The following ABR variants were observed in gnomAD, a reference collection of about 807,000 sequenced individuals.
ABR encodes the protein active breakpoint cluster region-related protein.
A neutral mutation model predicts 107.2 loss-of-function variants in ABR; 35 were observed. The observed-to-expected ratio is 0.33, with a 90% CI of 0.25 to 0.43. ABR has a LOEUF of 0.43. ABR is among the 20% of genes least tolerant of loss of function. The pLI, the probability that ABR is intolerant of heterozygous loss-of-function variation, is 1.00. For missense variants in ABR, 815 were observed against 1,115.2 expected, an observed-to-expected ratio of 0.73 and a Z score of 3.83; for synonymous variants, 498 against 462.0, an observed-to-expected ratio of 1.08 and a Z score of -1.00.
chr17:1,145,022 AAAAT>A (rs1242485370), intron 1 of ABR, among the ~76,000 whole-genome samples: 1 of 152,180 alleles, frequency 6.6e-6, no homozygotes, highest in Non-Finnish European at 1.5e-5. Flanking sequence ...TGTCTCAAAA[AAAAT>A]AAATAAATAA....
chr17:1,132,905 C>A (rs1457550845), intron 1 of ABR, among the ~76,000 whole-genome samples: 1 of 152,144 alleles, frequency 6.6e-6, no homozygotes, highest in African/African-American at 2.4e-5. Context: ...CCAGAGCTGT[C>A]AGGGCATAGG....
At chr17:1,033,189 C>T (rs965976358) in intron 16 of ABR, among the ~76,000 whole-genome samples, 8 of 152,204 alleles carry the variant, frequency 5.3e-5, no homozygotes, top group East Asian at 3.8e-4. Flanking sequence ...GGCCCAGAGA[C>T]GAGCCCTCGG....
rs192171109 is a variant in ABR at position 1,160,384 on chromosome 17, C to T, written c.61+19283G>A. ...CAAAGTTCATGAAATGTCAGCTCTG[C>T]AACTGTACAGTCAGTAGGAATTACA... On this transcript the variant is annotated intron_variant, in intron 1 of 22. Coordinates refer to ENST00000302538, the MANE Select transcript of ABR (RefSeq NM_021962.5). 2.6e-3 allele frequency among the ~76,000 whole-genome samples: 390 copies of T among 152,188 alleles called. 3 individuals carry two copies. Among genetic ancestry groups the T allele is most frequent in the Admixed American group, 5.2e-3 (80 of 15,270 alleles).
rs761222934 is a variant in ABR at position 1,083,509 on chromosome 17, G to A, written c.639+11C>T. The A allele has an allele frequency of 6.3e-7, 1 of 1,585,186 alleles. No homozygotes were observed. The highest frequency in any genetic ancestry group is 8.6e-7 in the Non-Finnish European group (1 of 1,160,652). ...TTGTCCCTCAGGGTGGCTATGTGGG[G>A]AGCGGCCTACCTCTGAGATCTTCTG... On this transcript the variant is annotated intron_variant, in intron 5 of 22. Transcript: ENST00000302538.
chr17:1,078,287 C>A lies in ABR; in HGVS notation c.700+1043G>T, dbSNP rs1364208039. Among the ~76,000 whole-genome samples the A allele has an allele frequency of 6.6e-6, 1 of 152,190 alleles. No homozygotes were observed. Among genetic ancestry groups the A allele is most frequent in the African/African-American group, 2.4e-5 (1 of 41,454 alleles). ...GCCCCTCCGTGTCCTCCGCCTACTG[C>A]TGCATGTGCGCGGAGCACACAATAC... On this transcript the variant is annotated intron_variant, in intron 6 of 22. Coordinates refer to ENST00000302538, the MANE Select transcript of ABR (RefSeq NM_021962.5). The surrounding 1 kb of genome is among the most constrained non-coding windows in gnomAD (Gnocchi z 7.5).
chr17:1,088,392 G>A (rs1256448475), intron 4 of ABR, among the ~76,000 whole-genome samples: 2 of 151,640 alleles, frequency 1.3e-5, no homozygotes, highest in African/African-American at 4.8e-5. Flanking sequence ...GGGGGGGTAT[G>A]CTAGAACCAG....
In ABR at chr17:1,057,031, C is replaced by T; in HGVS notation, c.1453G>A (p.Val485Ile). 1.2e-6 allele frequency: 2 copies of T among 1,612,302 alleles called. No individual in the cohort carries two copies. The highest frequency in any genetic ancestry group is 1.7e-5 in the Admixed American group (1 of 59,970). ...LTGSCFKLRT[V>I]HNIPVTSNKD... is the part of the protein sequence containing the mutation. Reference sequence around the variant, plus strand: ...TTGCTGGTGACAGGAATGTTGTGTACAGTCCTAAGCTTGAAACAGGATCCT... The same window carrying T: ...TTGCTGGTGACAGGAATGTTGTGTATAGTCCTAAGCTTGAAACAGGATCCT... The change falls in exon 13 of 23, where the codon GTA becomes ATA. Residue 485 changes from valine to isoleucine, a missense_variant. By Grantham distance (29) the Val-to-Ile change is conservative (BLOSUM62 3). Transcript: ENST00000302538.
At chr17:1,109,052 T>G in intron 2 of ABR, 3 of 1,590,512 alleles carry the variant, frequency 1.9e-6, no homozygotes, top group Non-Finnish European at 2.6e-6. Flanking sequence ...GCCTATCGCC[T>G]CCTCTTCCTC....
At position 1,058,739 on chromosome 17, in the gene ABR, C is replaced by T; in HGVS notation, c.1305+6G>A. The T allele has an allele frequency of 6.2e-7, 1 of 1,613,900 alleles. No individual in the cohort carries two copies. The highest frequency in any genetic ancestry group is 8.5e-7 in the Non-Finnish European group (1 of 1,179,904). ...CTGTCTTGGTCCCACCCCCACCCAT[C>T]CTGACCTTTCCATTCCGATTGTGGA... On this transcript the variant is annotated splice_donor_region_variant and intron_variant, in intron 11 of 22. Transcript: ENST00000302538.
At position 1,057,117 on chromosome 17, in the gene ABR, G is replaced by C. The variant is rs773077097; in HGVS notation, c.1382-15C>G. The C allele has an allele frequency of 1.9e-6, 3 of 1,576,034 alleles. No homozygotes were observed. Among genetic ancestry groups the C allele is most frequent in the Non-Finnish European group, 2.6e-6 (3 of 1,147,016 alleles). On this transcript the variant is annotated splice_polypyrimidine_tract_variant and intron_variant, in intron 12 of 22. Transcript: ENST00000302538. ...GGCCTGGAGATCTGGAGGGAGAGCC[G>C]AGAGAGAAGGGAGCGTGGGCACTGG...
At chr17:1,043,312 C>T (rs923453011) in intron 16 of ABR, among the ~76,000 whole-genome samples, 1 of 152,096 alleles carries the variant, frequency 6.6e-6, no homozygotes, top group Non-Finnish European at 1.5e-5. Context: ...GGACTACAGG[C>T]GTGCACCACC....
intron 16 of ABR, among the ~76,000 whole-genome samples, chr17:1,014,620 C>CCT (rs1343748073): frequency 6.6e-6 from 1 of 150,690 alleles, no homozygotes; most frequent in East Asian, 2.0e-4. Flanking sequence ...AGGCGGATCA[C>CCT]GAGGTCAGGA....
rs1555585461 is a variant in ABR, at chr17:1,113,282, T to TG, written c.246+11900_246+11901insC. 1.0e-4 allele frequency among the ~76,000 whole-genome samples: 14 copies of TG among 136,062 alleles called. 1 individual carries two copies. Among genetic ancestry groups the TG allele is most frequent in the Non-Finnish European group, 1.9e-4 (12 of 63,316 alleles). The allele number at this position is 136,062 out of a possible 152,430, so 89.3% of individuals were successfully genotyped here. A position where few individuals can be genotyped will look rare whatever the true frequency, so the allele number is the denominator to read the frequency against. On this transcript the variant is annotated intron_variant, in intron 2 of 22. Transcript: ENST00000302538. The stretch of plus-strand genomic sequence containing the variant: ...AACATGGAAACACCTATTGCGATTT[T>TG]TTTTTTTTTTTTTTTTTTTTTTGAG...
chr17:1,149,305 C>T (rs756851382), intron 1 of ABR, among the ~76,000 whole-genome samples: 2 of 152,066 alleles, frequency 1.3e-5, no homozygotes, highest in Non-Finnish European at 1.5e-5. Flanking sequence ...CCATGGGTAT[C>T]GACAGGAGGC....
chr17:1,074,877 C>T (rs1597690360), intron 6 of ABR, among the ~76,000 whole-genome samples: 1 of 152,126 alleles, frequency 6.6e-6, no homozygotes, highest in African/African-American at 2.4e-5. Flanking sequence ...ACCCGGGAGG[C>T]GGAAGTTGTA....
chr17:1,136,186 G>A (rs765178938), intron 1 of ABR, among the ~76,000 whole-genome samples: 16 of 152,078 alleles, frequency 1.1e-4, no homozygotes, highest in Non-Finnish European at 2.1e-4. Context: ...AGGCTGTTTT[G>A]TCTACATTGA....
chr17:1,055,455 G>A (rs2033154853), intron 14 of ABR: 1 of 152,812 alleles, frequency 6.5e-6, no homozygotes, highest in South Asian at 2.1e-4. Flanking sequence ...GTCATGGGCA[G>A]ATATGAAGTT....
intron 14 of ABR, among the ~76,000 whole-genome samples, chr17:1,052,178 G>C (rs1302577216): frequency 6.6e-6 from 1 of 152,126 alleles, no homozygotes; most frequent in Non-Finnish European, 1.5e-5. Flanking sequence ...GTGGGCCTCA[G>C]AACACACAGA....
chr17:1,016,108 G>A (rs1401356356), intron 16 of ABR, among the ~76,000 whole-genome samples: 3 of 152,150 alleles, frequency 2.0e-5, no homozygotes, highest in Non-Finnish European at 4.4e-5. Context: ...TCACAGCCGC[G>A]TTACACCATT....
Sources: allele counts gnomAD v4.1 joint callset (sites outside exome capture counted in the v4.1 genomes callset), GRCh38; gene constraint gnomAD v4.1.1; non-coding constraint Gnocchi (gnomAD v3.1); transcripts MANE v1.5; gene names NCBI Gene and HGNC (gene_info 2026-07-23, HGNC 2026-07-21).